The following SNX18 variants were observed in gnomAD, a reference collection of about 807,000 sequenced individuals.
SNX18 encodes sorting nexin 18.
In SNX18, 35 loss-of-function variants were observed where a neutral mutation model predicts 48.7. The observed-to-expected ratio is 0.72, with a 90% CI of 0.55 to 0.95. SNX18 has a LOEUF of 0.95. SNX18 is among the 40% of genes least tolerant of loss of function. SNX18 has a pLI of 0.00. For missense variants in SNX18, 824 were observed against 871.0 expected (o/e 0.95, Z 0.68); for synonymous variants, 492 against 384.7 (o/e 1.28, Z -3.26).
the SNX18 span, among the ~76,000 whole-genome samples, chr5:54,621,638 C>T: frequency 6.6e-6 from 1 of 152,120 alleles, no homozygotes; most frequent in Non-Finnish European, 1.5e-5. Flanking sequence ...AGCACAACAA[C>T]GTTACTGTTC....
intron 1 of SNX18, among the ~76,000 whole-genome samples, chr5:54,522,441 A>G (rs1210750578): frequency 1.3e-5 from 2 of 152,236 alleles, no homozygotes; most frequent in African/African-American, 4.8e-5. Flanking sequence ...GCTGCAGTTT[A>G]ACTATCAACC....
the SNX18 span, among the ~76,000 whole-genome samples, chr5:54,618,021 A>G: frequency 6.6e-6 from 1 of 152,142 alleles, no homozygotes; most frequent in African/African-American, 2.4e-5. Flanking sequence ...CCCCATCCAA[A>G]TCTCATCTTG....
chr5:54,601,938 GTT>G, the SNX18 span, among the ~76,000 whole-genome samples: 2 of 152,172 alleles, frequency 1.3e-5, no homozygotes, highest in African/African-American at 2.4e-5. Flanking sequence ...CTTTGGTGTG[GTT>G]TTAAGACACG....
the SNX18 span, among the ~76,000 whole-genome samples, chr5:54,599,929 A>T: frequency 6.6e-6 from 1 of 152,250 alleles, no homozygotes; most frequent in Non-Finnish European, 1.5e-5. Context: ...GGCATGGGCA[A>T]AGATTTCATG....
the SNX18 span, among the ~76,000 whole-genome samples, chr5:54,641,850 C>T: frequency 1.3e-5 from 2 of 152,154 alleles, no homozygotes; most frequent in Non-Finnish European, 2.9e-5. Context: ...CTATCACCTC[C>T]CACCAAGAGC....
At chr5:54,577,135 G>A in the SNX18 span, among the ~76,000 whole-genome samples, 1 of 152,110 alleles carries the variant, frequency 6.6e-6, no homozygotes, top group Non-Finnish European at 1.5e-5. Context: ...GTGAGGACTG[G>A]ATTTTGAGCT....
At chr5:54,583,587 G>A in the SNX18 span, among the ~76,000 whole-genome samples, 7 of 152,298 alleles carry the variant, frequency 4.6e-5, no homozygotes, top group East Asian at 1.9e-4. Context: ...CCTATTAGTC[G>A]TGTGGCATTG....
the SNX18 span, among the ~76,000 whole-genome samples, chr5:54,577,370 C>T: frequency 3.4e-5 from 4 of 118,094 alleles, no homozygotes; most frequent in Non-Finnish European, 4.9e-5. Flanking sequence ...TCCCCTCCTC[C>T]CACCTCAACT....
At chr5:54,569,041 C>T in the SNX18 span, among the ~76,000 whole-genome samples, 1 of 151,820 alleles carries the variant, frequency 6.6e-6, no homozygotes, top group Non-Finnish European at 1.5e-5. Flanking sequence ...CATGGTTTTG[C>T]CATGTTTGCC....
the SNX18 span, among the ~76,000 whole-genome samples, chr5:54,642,410 C>G: frequency 6.6e-6 from 1 of 150,952 alleles, no homozygotes; most frequent in Admixed American, 6.6e-5. Flanking sequence ...TTCACTGCTA[C>G]AATTCCCCAC....
At chr5:54,566,162 T>C in the SNX18 span, among the ~76,000 whole-genome samples, 1 of 152,174 alleles carries the variant, frequency 6.6e-6, no homozygotes, top group Non-Finnish European at 1.5e-5. Context: ...AATGGTTTGC[T>C]CTGCCCTAGA....
chr5:54,633,495 T>G, the SNX18 span, among the ~76,000 whole-genome samples: 1 of 152,154 alleles, frequency 6.6e-6, no homozygotes, highest in Non-Finnish European at 1.5e-5. Context: ...GGGAATGGAC[T>G]CCAGGAACCA....
the SNX18 span, among the ~76,000 whole-genome samples, chr5:54,584,010 G>A: frequency 6.6e-6 from 1 of 152,014 alleles, no homozygotes; most frequent in Admixed American, 6.6e-5. Flanking sequence ...CCTCAGGCCA[G>A]GAGGGAGGCT....
chr5:54,562,374 A>G, the SNX18 span, among the ~76,000 whole-genome samples: 2 of 152,358 alleles, frequency 1.3e-5, no homozygotes, highest in East Asian at 3.9e-4. Context: ...CTTATACCAT[A>G]TAAGTATGAG....
intron 1 of SNX18, among the ~76,000 whole-genome samples, chr5:54,533,969 G>C (rs1178286109): frequency 6.6e-6 from 1 of 152,074 alleles, no homozygotes; most frequent in Non-Finnish European, 1.5e-5. Flanking sequence ...TCCCAGCAAT[G>C]AGAGGATAAG....
At chr5:54,592,461 T>C in the SNX18 span, among the ~76,000 whole-genome samples, 1 of 152,310 alleles carries the variant, frequency 6.6e-6, no homozygotes, top group Admixed American at 6.5e-5. Flanking sequence ...CAGATCTAAT[T>C]CTCAATGGTT....
At chr5:54,576,883 C>G in the SNX18 span, among the ~76,000 whole-genome samples, 1 of 152,158 alleles carries the variant, frequency 6.6e-6, no homozygotes, top group Non-Finnish European at 1.5e-5. Context: ...CTCACTGCAG[C>G]CTCTGCCTCC....
rs1762559591 is a variant in SNX18, at chr5:54,545,437, C to G, written c.*2005C>G. The G allele has an allele frequency of 6.7e-6, 1 of 150,254 alleles. No homozygotes were observed. Among genetic ancestry groups the G allele is most frequent in the Non-Finnish European group, 1.5e-5 (1 of 67,766 alleles). 9.3% of individuals were successfully genotyped at this position (150,254 alleles called of 1,614,324 possible). A position where few individuals can be genotyped will look rare whatever the true frequency, so the allele number is the denominator to read the frequency against. On this transcript the variant is annotated 3_prime_UTR_variant, in exon 2 of 2. Coordinates refer to ENST00000381410, the MANE Select transcript of SNX18 (RefSeq NM_001102575.2). Reference sequence around the variant, plus strand: ...TTTTTTTTTTTTAATAGTAAAATCACTAAACTTGTGCAATGGTAGCATGGA... The same window carrying G: ...TTTTTTTTTTTTAATAGTAAAATCAGTAAACTTGTGCAATGGTAGCATGGA...
chr5:54,634,685 C>T, the SNX18 span, among the ~76,000 whole-genome samples: 1 of 152,030 alleles, frequency 6.6e-6, no homozygotes, highest in Non-Finnish European at 1.5e-5. Context: ...AGCACACCTT[C>T]ACTTACAGTT....
Sources: allele counts gnomAD v4.1 joint callset (sites outside exome capture counted in the v4.1 genomes callset), GRCh38; gene constraint gnomAD v4.1.1; transcripts MANE v1.5; gene names NCBI Gene and HGNC (gene_info 2026-07-23, HGNC 2026-07-21).